The following SASS6 variants were observed in gnomAD, a reference collection of about 807,000 sequenced individuals.
The protein encoded by SASS6 is SAS-6 centriolar assembly protein.
Under a neutral mutation model 94.9 loss-of-function variants are expected in SASS6, and 59 were observed. That is an observed-to-expected ratio of 0.62 (90% CI 0.50 to 0.77). The LOEUF (loss-of-function observed/expected upper bound fraction) is 0.77, where lower values mean the gene tolerates loss of function less well. Ranked by LOEUF, SASS6 falls within the 30% of genes least tolerant of loss-of-function variation. The pLI, the probability that SASS6 is intolerant of heterozygous loss-of-function variation, is 0.00. For missense variants in SASS6, 698 were observed against 734.1 expected (o/e 0.95, Z 0.57); for synonymous variants, 264 against 270.0 (o/e 0.98, Z 0.22).
chr1:100,127,572 C>T (rs1453904161), intron 1 of SASS6, among the ~76,000 whole-genome samples: 1 of 152,206 alleles, frequency 6.6e-6, no homozygotes, highest in Non-Finnish European at 1.5e-5. Flanking sequence ...GAACAAGAAG[C>T]ACTGGTTTAC....
At chr1:100,089,931 A>G in intron 14 of SASS6, among the ~76,000 whole-genome samples, 1 of 152,060 alleles carries the variant, frequency 6.6e-6, no homozygotes, top group East Asian at 1.9e-4. Flanking sequence ...TATAACAAAG[A>G]TACAAGTAAA....
In SASS6 at chr1:100,085,453, A is replaced by G. The variant is rs1374164143; in HGVS notation, c.1868-19T>C. 1.3e-6 allele frequency: 2 copies of G among 1,583,368 alleles called. No individual in the cohort carries two copies. The highest frequency in any genetic ancestry group is 1.7e-6 in the Non-Finnish European group (2 of 1,152,128). On this transcript the variant is annotated intron_variant, in intron 16 of 16. Coordinates refer to ENST00000287482, the MANE Select transcript of SASS6 (RefSeq NM_194292.3). ...TGATGGTCTGCAAATGAGGACAAAA[A>G]AAGGTTACTGGTATTCATTAAGTCT...
chr1:100,096,473 G>T (rs111246193), intron 14 of SASS6, among the ~76,000 whole-genome samples: 1,719 of 152,218 alleles, frequency 0.011, 39 homozygotes, highest in African/African-American at 0.04. Flanking sequence ...TCAACCTGTG[G>T]TTGGACAGAG....
At position 100,131,822 on chromosome 1, in the gene SASS6, C is replaced by T. The variant is rs148171026; in HGVS notation, c.65+928G>A. 2.8e-3 allele frequency among the ~76,000 whole-genome samples: 433 copies of T among 152,306 alleles called. 6 individuals are homozygous for T. Among genetic ancestry groups the T allele is most frequent in the Non-Finnish European group, 2.4e-3 (165 of 68,036 alleles). On this transcript the variant is annotated intron_variant, in intron 1 of 16. Coordinates refer to ENST00000287482, the MANE Select transcript of SASS6 (RefSeq NM_194292.3). ...TTGTACACCACTTAGTTTTCACATA[C>T]GATTTCACACCTGATCCTCATTACA...
chr1:100,126,584 C>G (rs1391910342), intron 1 of SASS6, among the ~76,000 whole-genome samples: 1 of 152,074 alleles, frequency 6.6e-6, no homozygotes, highest in South Asian at 2.1e-4. Flanking sequence ...TGGAGACCAG[C>G]CTGTTAACAC....
intron 15 of SASS6, among the ~76,000 whole-genome samples, chr1:100,086,124 A>C (rs1258874140): frequency 2.8e-5 from 4 of 142,878 alleles, no homozygotes. Flanking sequence ...GGGAGAAAGA[A>C]GGGCATTTCT....
rs756751904 is a variant in SASS6, at chr1:100,085,527, C to T, written c.1867+9G>A. On this transcript the variant is annotated intron_variant, in intron 16 of 16. Coordinates refer to ENST00000287482, the MANE Select transcript of SASS6 (RefSeq NM_194292.3). ...TATAAAGTACAAAAATCCAGAAATC[C>T]CTGCTTACCTGAATTACTAAATAGG... The T allele has an allele frequency of 2.1e-5, 34 of 1,603,510 alleles. No individual in the cohort carries two copies. The highest frequency in any genetic ancestry group is 1.7e-5 in the Admixed American group (1 of 59,662).
At chr1:100,089,632 A>C (rs978733951) in intron 14 of SASS6, among the ~76,000 whole-genome samples, 1 of 152,270 alleles carries the variant, frequency 6.6e-6, no homozygotes, top group East Asian at 1.9e-4. Flanking sequence ...AAACTTGCCA[A>C]CCTAAAGTTC....
Position 100,123,303 on chromosome 1 carries a change from T to C in SASS6, c.127-14A>G, listed in dbSNP as rs574124044. The C allele has an allele frequency of 6.3e-6, 9 of 1,429,122 alleles. No homozygotes were observed. The highest frequency in any genetic ancestry group is 4.1e-5 in the Admixed American group (2 of 49,240). 88.5% of individuals were successfully genotyped at this position (1,429,122 alleles called of 1,614,324 possible). A position where few individuals can be genotyped will look rare whatever the true frequency, so the allele number is the denominator to read the frequency against. ...AATAACTAAGTCCTAAAAGAAAGTT[T>C]GTTGTTTTTAAATGTTTTTACTAGA... On this transcript the variant is annotated splice_polypyrimidine_tract_variant and intron_variant, in intron 2 of 16. Coordinates refer to ENST00000287482, the MANE Select transcript of SASS6 (RefSeq NM_194292.3).
intron 14 of SASS6, among the ~76,000 whole-genome samples, chr1:100,091,391 T>G (rs1353327104): frequency 6.6e-6 from 1 of 152,054 alleles, no homozygotes; most frequent in Non-Finnish European, 1.5e-5. Context: ...AAAAATCACA[T>G]TCTCCTCAGG....
Position 100,094,056 on chromosome 1 carries a change from T to A in SASS6, c.1675-5820A>T, listed in dbSNP as rs76857518. ...GGTTCCTTGAAAAGATCCATGAAAC[T>A]GGTAACTCTTACCAAACTGATTTTT... is the stretch of plus-strand genomic sequence containing the variant. On this transcript the variant is annotated intron_variant, in intron 14 of 16. Coordinates refer to ENST00000287482, the MANE Select transcript of SASS6 (RefSeq NM_194292.3). 0.013 allele frequency among the ~76,000 whole-genome samples: 1,945 copies of A among 152,220 alleles called. 48 individuals are homozygous for A. In the South Asian group the frequency reaches 0.13, roughly 10 times the overall value.
Position 100,125,722 on chromosome 1 carries a change from G to T in SASS6, c.126+160C>A, listed in dbSNP as rs17121928. ...ATAGTATAATTATCCTTCAGTTGTT[G>T]TCTCAGTAGATTCCACCACCCTTGA... is the stretch of plus-strand genomic sequence containing the variant. On this transcript the variant is annotated intron_variant, in intron 2 of 16. Coordinates refer to ENST00000287482, the MANE Select transcript of SASS6 (RefSeq NM_194292.3). 4.8e-3 allele frequency among the ~76,000 whole-genome samples: 726 copies of T among 150,126 alleles called. 31 individuals are homozygous for T. The East Asian group carries it at 0.11, about 23-fold the overall frequency.
At chr1:100,095,835 T>G (rs1557881107) in intron 14 of SASS6, among the ~76,000 whole-genome samples, 1 of 152,066 alleles carries the variant, frequency 6.6e-6, no homozygotes. Flanking sequence ...ATAAAACACT[T>G]AAGAATAAAT....
chr1:100,097,258 G>C (rs1652168664), intron 14 of SASS6, among the ~76,000 whole-genome samples: 1 of 152,132 alleles, frequency 6.6e-6, no homozygotes, highest in Non-Finnish European at 1.5e-5. Context: ...CTTTGGAAAA[G>C]TTTGGTAATT....
At chr1:100,093,066 G>A (rs1032135500) in intron 14 of SASS6, among the ~76,000 whole-genome samples, 3 of 150,880 alleles carry the variant, frequency 2.0e-5, no homozygotes, top group African/African-American at 7.3e-5. Context: ...TACACACTAC[G>A]AAAAGTATGT....
At chr1:100,102,118 C>G (rs1315083371) in intron 14 of SASS6, among the ~76,000 whole-genome samples, 3 of 151,782 alleles carry the variant, frequency 2.0e-5, no homozygotes. Flanking sequence ...ATACATAAAT[C>G]TAAGATAATA....
intron 7 of SASS6, 74 bp from the exon 8 acceptor site, chr1:100,110,557 C>CAAA (rs894383778): frequency 8.1e-6 from 6 of 739,658 alleles, no homozygotes; most frequent in Non-Finnish European, 1.2e-5. Context: ...AAGATTTGAA[C>CAAA]AAAAAAAAAT....
rs775941576 is a variant in SASS6, at chr1:100,132,835, G to A, written c.-21C>T. Reference sequence around the variant, plus strand: ...CTCATGTTGGCTCGCTGCCTCGGCTGGTGTGCAGAAAAGCCCAACAGGCCC... The same window carrying A: ...CTCATGTTGGCTCGCTGCCTCGGCTAGTGTGCAGAAAAGCCCAACAGGCCC... On this transcript the variant is annotated 5_prime_UTR_variant, in exon 1 of 17. Coordinates refer to ENST00000287482, the MANE Select transcript of SASS6 (RefSeq NM_194292.3). 4.3e-6 allele frequency: 7 copies of A among 1,611,924 alleles called. No homozygotes were observed. Among genetic ancestry groups the A allele is most frequent in the Admixed American group, 3.3e-5 (2 of 59,998 alleles).
At chr1:100,089,901 GAAAAA>G (rs60639180) in intron 14 of SASS6, among the ~76,000 whole-genome samples, 1 of 136,150 alleles carries the variant, frequency 7.3e-6, no homozygotes, top group African/African-American at 2.7e-5. Context: ...ATTGTTTAAA[GAAAAA>G]AAAAAAGTAG....
Sources: allele counts gnomAD v4.1 joint callset (sites outside exome capture counted in the v4.1 genomes callset), GRCh38; gene constraint gnomAD v4.1.1; transcripts MANE v1.5; gene names NCBI Gene and HGNC (gene_info 2026-07-23, HGNC 2026-07-21).